BMAL1: variants seen among roughly 807,000 people sequenced by gnomAD.
The protein encoded by BMAL1 is basic helix-loop-helix ARNT-like protein 1.
the BMAL1 span, chr11:13,376,848 CGAGGG>C: frequency 1.1e-6 from 1 of 884,932 alleles, no homozygotes; most frequent in Non-Finnish European, 1.7e-6. Context: ...AGGGAGGCCT[CGAGGG>C]GATGATGTGC....
chr11:13,327,424 A>G, the BMAL1 span, among the ~76,000 whole-genome samples: 1 of 152,028 alleles, frequency 6.6e-6, no homozygotes, highest in Non-Finnish European at 1.5e-5. Flanking sequence ...GCCTGGCTCC[A>G]AAGATTGTGT....
the BMAL1 span, among the ~76,000 whole-genome samples, chr11:13,298,571 G>C: frequency 6.6e-6 from 1 of 152,112 alleles, no homozygotes; most frequent in Non-Finnish European, 1.5e-5. Flanking sequence ...ATGCAGGCAG[G>C]CACCAGTGTT....
At chr11:13,383,983 T>C in the BMAL1 span, among the ~76,000 whole-genome samples, 1 of 152,256 alleles carries the variant, frequency 6.6e-6, no homozygotes, top group South Asian at 2.1e-4. Flanking sequence ...GAACTTGTGC[T>C]GCATACCAAA....
chr11:13,278,105 C>G, the BMAL1 span, among the ~76,000 whole-genome samples: 1 of 152,106 alleles, frequency 6.6e-6, no homozygotes, highest in Non-Finnish European at 1.5e-5. Context: ...TGCCCCCACC[C>G]GGGCCGTGGG....
chr11:13,303,038 T>C, the BMAL1 span, among the ~76,000 whole-genome samples: 1 of 152,340 alleles, frequency 6.6e-6, no homozygotes, highest in East Asian at 1.9e-4. Flanking sequence ...TATCAGGCAC[T>C]AAGCTAAGGG....
chr11:13,335,584 G>T, the BMAL1 span, among the ~76,000 whole-genome samples: 1 of 152,214 alleles, frequency 6.6e-6, no homozygotes, highest in Non-Finnish European at 1.5e-5. Flanking sequence ...GCTGCCTAAT[G>T]CTCAGTGCAT....
At chr11:13,376,867 T>C in the BMAL1 span, 2 of 726,892 alleles carry the variant, frequency 2.8e-6, no homozygotes, top group Non-Finnish European at 4.4e-6. Context: ...GATGTGCGGA[T>C]TTCCCCATGA....
chr11:13,291,802 C>T, the BMAL1 span, among the ~76,000 whole-genome samples: 144 of 10,010 alleles, frequency 0.014, no homozygotes, highest in Non-Finnish European at 0.046. Flanking sequence ...GTTTAATTGA[C>T]GTGTACTCTG....
At chr11:13,358,731 A>G in the BMAL1 span, 2 of 942,132 alleles carry the variant, frequency 2.1e-6, no homozygotes, top group Non-Finnish European at 2.9e-6. Context: ...ACTCTTCAGC[A>G]ACAGCCGTGA....
At chr11:13,311,570 G>A in the BMAL1 span, among the ~76,000 whole-genome samples, 12 of 152,314 alleles carry the variant, frequency 7.9e-5, no homozygotes, top group Middle Eastern at 3.4e-3. Flanking sequence ...AAAATAGACC[G>A]CTCATAGAAG....
At chr11:13,369,842 G>T in the BMAL1 span, 1 of 1,547,438 alleles carries the variant, frequency 6.5e-7, no homozygotes, top group South Asian at 1.2e-5. Context: ...TCAGCTGGGC[G>T]TTGGTTCCAT....
At chr11:13,379,522 T>C in the BMAL1 span, 1 of 152,218 alleles carries the variant, frequency 6.6e-6, no homozygotes, top group African/African-American at 2.4e-5. Flanking sequence ...CCCTATACTT[T>C]GCATTTGCAT....
At chr11:13,365,783 G>C in the BMAL1 span, among the ~76,000 whole-genome samples, 1 of 152,178 alleles carries the variant, frequency 6.6e-6, no homozygotes, top group Non-Finnish European at 1.5e-5. Context: ...CCCATTGAAA[G>C]ATCTGACTCT....
the BMAL1 span, chr11:13,376,711 T>C: frequency 6.2e-7 from 1 of 1,613,938 alleles, no homozygotes; most frequent in Non-Finnish European, 8.5e-7. Context: ...ATGGACAGCA[T>C]GCTGCCCTCT....
the BMAL1 span, among the ~76,000 whole-genome samples, chr11:13,370,695 T>G: frequency 1.3e-5 from 2 of 152,194 alleles, no homozygotes; most frequent in African/African-American, 4.8e-5. Context: ...CCAGGTCTCA[T>G]AAAGTGTAGA....
the BMAL1 span, among the ~76,000 whole-genome samples, chr11:13,309,292 G>T: frequency 1.3e-5 from 2 of 152,082 alleles, no homozygotes; most frequent in Non-Finnish European, 2.9e-5. Context: ...GGATGGTAGG[G>T]TCTATCGGGG....
chr11:13,278,550 C>T, the BMAL1 span, among the ~76,000 whole-genome samples: 1 of 152,250 alleles, frequency 6.6e-6, no homozygotes, highest in Admixed American at 6.5e-5. Context: ...CCGCCCGCCC[C>T]TTCGGCCCTG....
the BMAL1 span, among the ~76,000 whole-genome samples, chr11:13,348,265 C>T: frequency 3.3e-5 from 5 of 152,236 alleles, no homozygotes; most frequent in South Asian, 2.1e-4. Context: ...TTTAGTCTGT[C>T]GGGGGGCTTT....
At chr11:13,377,486 C>T in the BMAL1 span, among the ~76,000 whole-genome samples, 4 of 152,242 alleles carry the variant, frequency 2.6e-5, no homozygotes, top group Non-Finnish European at 4.4e-5. Context: ...TCACCCTCCT[C>T]ATCTGCTGCC....
Sources: allele counts gnomAD v4.1 joint callset (sites outside exome capture counted in the v4.1 genomes callset), GRCh38; gene constraint gnomAD v4.1.1; transcripts MANE v1.5; gene names NCBI Gene and HGNC (gene_info 2026-07-23, HGNC 2026-07-21).